The following SPG7 variants were observed in gnomAD, a reference collection of about 807,000 sequenced individuals.
SPG7 encodes mitochondrial inner membrane m-AAA protease component paraplegin.
In SPG7, 103 loss-of-function variants were observed where a neutral mutation model predicts 81.9. The observed-to-expected ratio is 1.26, with a 90% CI of 1.07 to 1.48. SPG7 has a LOEUF of 1.48. SPG7 is among the 40% of genes most tolerant of loss of function. SPG7 has a pLI of 0.00. For synonymous variants in SPG7, 534 were observed against 444.2 expected (o/e 1.20, Z -2.54); for missense variants, 1,241 against 1,087.3 (o/e 1.14, Z -1.99).
In SPG7 at chr16:89,523,989, C is replaced by T. The variant is rs1275882085; in HGVS notation, c.377-17C>T. On this transcript the variant is annotated splice_polypyrimidine_tract_variant and intron_variant, in intron 3 of 16. Transcript: ENST00000645818. ...CTCATGTGTTTGTTTCTCCCTTTTG[C>T]TTCTCTGCCGGCTCAGAGGAGAGGA... 7.4e-6 allele frequency: 12 copies of T among 1,610,796 alleles called. No individual in the cohort carries two copies. The highest frequency in any genetic ancestry group is 1.0e-5 in the Non-Finnish European group (12 of 1,179,946).
rs982241334 is a variant in SPG7, at chr16:89,547,810, A to C, written c.1553-193A>C. 1.5e-5 allele frequency: 9 copies of C among 591,438 alleles called. No homozygotes were observed. In the African/African-American group the frequency reaches 1.7e-4, roughly 11 times the overall value. The allele number at this position is 591,438 out of a possible 1,614,324, so 36.6% of individuals were successfully genotyped here. ...GTATTTTTAGTAGCAATAGGGTTTC[A>C]CCCTGTTGGCCAGGCTGGTCTCAAA... On this transcript the variant is annotated intron_variant, in intron 11 of 16. Coordinates refer to ENST00000645818, the MANE Select transcript of SPG7 (RefSeq NM_003119.4).
intron 2 of SPG7, among the ~76,000 whole-genome samples, chr16:89,511,963 G>A (rs1301802745): frequency 6.6e-6 from 1 of 152,108 alleles, no homozygotes; most frequent in Non-Finnish European, 1.5e-5. Context: ...CCAGGCTGGA[G>A]TGCAGTGGCG....
intron 5 of SPG7, chr16:89,529,130 C>T (rs1045115487): frequency 2.7e-6 from 1 of 367,932 alleles, no homozygotes; most frequent in Non-Finnish European, 5.3e-6. Context: ...GCTTTTTACT[C>T]TTAGGCTGAT....
Position 89,537,011 on chromosome 16 carries a change from T to C in SPG7, c.1324+4375T>C, listed in dbSNP as rs1347029623. The C allele has an allele frequency of 8.1e-6, 13 of 1,611,978 alleles. No individual in the cohort carries two copies. In the African/African-American group the frequency reaches 1.7e-4, roughly 22 times the overall value. On this transcript the variant is annotated intron_variant, in intron 9 of 16. Coordinates refer to ENST00000645818, the MANE Select transcript of SPG7 (RefSeq NM_003119.4). Reference sequence around the variant, plus strand: ...TCTGTGCCATCATAAGAATAGCTGCTTCCGCCCCCGGATTTGCTCAGGCCT... The same window carrying C: ...TCTGTGCCATCATAAGAATAGCTGCCTCCGCCCCCGGATTTGCTCAGGCCT...
At chr16:89,510,232 C>T (rs2057996701) in intron 1 of SPG7, among the ~76,000 whole-genome samples, 1 of 152,118 alleles carries the variant, frequency 6.6e-6, no homozygotes. Context: ...GCCTCAGCCT[C>T]CCAAAGTGTT....
At chr16:89,538,184 A>T (rs2058451613) in intron 9 of SPG7, 1 of 151,856 alleles carries the variant, frequency 6.6e-6, no homozygotes, top group Non-Finnish European at 1.5e-5. Context: ...GGAAGGGCGC[A>T]CTCAGGTGGC....
intron 12 of SPG7, chr16:89,549,046 G>C (rs1023661596): frequency 1.1e-5 from 5 of 456,346 alleles, no homozygotes; most frequent in African/African-American, 1.0e-4. Flanking sequence ...TGCTGTGCCA[G>C]ACACTGCAAA....
intron 9 of SPG7, chr16:89,537,061 T>C: frequency 6.3e-7 from 1 of 1,579,456 alleles, no homozygotes; most frequent in South Asian, 1.1e-5. Flanking sequence ...TGAAGGCCTC[T>C]TGTTGAGTGC....
At position 89,532,622 on chromosome 16, in the gene SPG7, T is replaced by G. The variant is rs200791557; in HGVS notation, c.1310T>G (p.Leu437Arg). The change falls in exon 9 of 17, where the codon CTG becomes CGG. Residue 437 changes from leucine (L) to arginine (R), a missense_variant. Leu to Arg is a moderately radical substitution (Grantham distance 102). Coordinates refer to ENST00000645818, the MANE Select transcript of SPG7 (RefSeq NM_003119.4). ...TEEEQTLNQL[L>R]VEMDGMGTTD... is the part of the protein sequence containing the mutation. ...GAGGAGCAGACGCTCAACCAGCTTC[T>G]GGTAGAAATGGATGGTCAGTGCTCG... The G allele has an allele frequency of 2.5e-6, 4 of 1,613,634 alleles. No homozygotes were observed. The highest frequency in any genetic ancestry group is 3.4e-6 in the Non-Finnish European group (4 of 1,180,032).
rs764896667 is a variant in SPG7 at position 89,524,012 on chromosome 16, G to A, written c.383G>A (p.Arg128Lys). 6.2e-7 allele frequency: 1 copy of A among 1,612,638 alleles called. No homozygotes were observed. Among genetic ancestry groups the A allele is most frequent in the Non-Finnish European group, 8.5e-7 (1 of 1,180,014 alleles). Residue 128 changes from arginine to lysine, a missense_variant, in exon 4 of 17, where the codon AGG (arginine) becomes AAG (lysine). Arg to Lys is a conservative substitution (Grantham distance 26). Coordinates refer to ENST00000645818, the MANE Select transcript of SPG7 (RefSeq NM_003119.4). Reference protein sequence around the residue: ...GKAPEEDEEERRRRERDDQMY... With the variant: ...GKAPEEDEEEKRRRERDDQMY... ...TGCTTCTCTGCCGGCTCAGAGGAGA[G>A]GAGACGCCGTGAGCGGGACGACCAG...
chr16:89,526,768 C>T, intron 5 of SPG7: 1 of 381,252 alleles, frequency 2.6e-6, no homozygotes, highest in Non-Finnish European at 5.0e-6. Flanking sequence ...ATGCCGAAGT[C>T]TCAGCCCCCG....
At chr16:89,550,166 C>A (rs111936480) in intron 12 of SPG7, 2 of 359,342 alleles carry the variant, frequency 5.6e-6, no homozygotes, top group African/African-American at 2.1e-5. Context: ...CTCACCCCCC[C>A]GTCATTCTTT....
Position 89,532,631 on chromosome 16 carries a change from T to C in SPG7, c.1319T>C (p.Met440Thr). 6.2e-7 allele frequency: 1 copy of C among 1,613,450 alleles called. No individual in the cohort carries two copies. Among genetic ancestry groups the C allele is most frequent in the Admixed American group, 1.7e-5 (1 of 60,030 alleles). The change falls in exon 9 of 17, where the codon ATG becomes ACG. Residue 440 changes from methionine (M) to threonine (T), a missense_variant. By Grantham distance (81) the Met-to-Thr change is moderately conservative (BLOSUM62 -1). Coordinates refer to ENST00000645818, the MANE Select transcript of SPG7 (RefSeq NM_003119.4). ...EQTLNQLLVE[M>T]DGMGTTDHVI... ...ACGCTCAACCAGCTTCTGGTAGAAA[T>C]GGATGGTCAGTGCTCGTGCGCCCCG... is the stretch of plus-strand genomic sequence containing the variant.
rs1597635592 is a variant in SPG7 at position 89,532,638 on chromosome 16, T to A, written c.1324+2T>A. The A allele has an allele frequency of 6.2e-7, 1 of 1,613,052 alleles. No homozygotes were observed. The highest frequency in any genetic ancestry group is 8.5e-7 in the Non-Finnish European group (1 of 1,180,010). ...ACCAGCTTCTGGTAGAAATGGATGG[T>A]CAGTGCTCGTGCGCCCCGCACCCCC... On this transcript the variant is annotated splice_donor_variant, in intron 9 of 16. Transcript: ENST00000645818. LOFTEE classifies it high-confidence loss of function.
intron 4 of SPG7, among the ~76,000 whole-genome samples, chr16:89,525,641 A>G (rs1258276203): frequency 6.6e-6 from 1 of 152,130 alleles, no homozygotes; most frequent in African/African-American, 2.4e-5. Context: ...TGAGCTAAAC[A>G]TGCGGAGTTT....
chr16:89,524,645 T>C (rs1428816750), intron 4 of SPG7, among the ~76,000 whole-genome samples: 1 of 152,060 alleles, frequency 6.6e-6, no homozygotes, highest in Non-Finnish European at 1.5e-5. Context: ...GGTTTCTCCA[T>C]GTTGGGCAAG....
chr16:89,530,703 T>C lies in SPG7; in HGVS notation c.882T>C (p.Arg294=), dbSNP rs1425159568. 6.2e-7 allele frequency: 1 copy of C among 1,614,116 alleles called. No homozygotes were observed. Among genetic ancestry groups the C allele is most frequent in the South Asian group, 1.1e-5 (1 of 91,078 alleles). Reference sequence around the variant, plus strand: ...CACAGAATCAGCTTAAAATGGCTCGTTTCACCATTGTGGATGGGAAGATGG... The same window carrying C: ...CACAGAATCAGCTTAAAATGGCTCGCTTCACCATTGTGGATGGGAAGATGG... The part of the protein sequence containing the change: ...FSAFNQLKMA[R]FTIVDGKMGK... The change falls in exon 7 of 17, where the codon CGT becomes CGC. Residue 294 remains arginine (R), a synonymous_variant. Coordinates refer to ENST00000645818, the MANE Select transcript of SPG7 (RefSeq NM_003119.4).
At chr16:89,537,762 C>G in intron 9 of SPG7, 1 of 985,420 alleles carries the variant, frequency 1.0e-6, no homozygotes, top group Non-Finnish European at 1.2e-6. Context: ...GGTCCAGGCT[C>G]CCAGTGTCTG....
intron 16 of SPG7, 186 bp from the exon 17 acceptor site, chr16:89,556,701 A>G: frequency 1.6e-6 from 1 of 632,144 alleles, no homozygotes; most frequent in Non-Finnish European, 2.8e-6. Context: ...AAAATCATTT[A>G]TGAGGTTGAG....
Sources: allele counts gnomAD v4.1 joint callset (sites outside exome capture counted in the v4.1 genomes callset), GRCh38; gene constraint gnomAD v4.1.1; transcripts MANE v1.5; gene names NCBI Gene and HGNC (gene_info 2026-07-23, HGNC 2026-07-21).